Variants in ROR2 observed in about 807,000 individuals in gnomAD.
The protein encoded by ROR2 is tyrosine-protein kinase transmembrane receptor ROR2.
Under a neutral mutation model 74.9 loss-of-function variants are expected in ROR2, and 33 were observed. That is an observed-to-expected ratio of 0.44 (90% CI 0.33 to 0.59). The LOEUF (loss-of-function observed/expected upper bound fraction) is 0.59, where lower values mean the gene tolerates loss of function less well. ROR2 is among the 20% of genes least tolerant of loss of function. ROR2 has a pLI of 0.02. For missense variants in ROR2, 1,216 were observed against 1,313.8 expected (o/e 0.93, Z 1.15); for synonymous variants, 586 against 558.7 (o/e 1.05, Z -0.69).
intron 2 of ROR2, among the ~76,000 whole-genome samples, chr9:91,772,103 G>C (rs1038885658): frequency 1.4e-4 from 21 of 152,214 alleles, no homozygotes; most frequent in African/African-American, 4.8e-4. Context: ...ATATAAGGAA[G>C]GGGCCAGGAG....
intron 1 of ROR2, among the ~76,000 whole-genome samples, chr9:91,839,709 G>GT (rs1379505339): frequency 7.0e-6 from 1 of 143,570 alleles, no homozygotes; most frequent in Non-Finnish European, 1.5e-5. Flanking sequence ...TATGTGGTGT[G>GT]TGTGTGCTGT....
At chr9:91,739,205 C>G (rs1825135836) in intron 4 of ROR2, among the ~76,000 whole-genome samples, 1 of 152,148 alleles carries the variant, frequency 6.6e-6, no homozygotes, top group Non-Finnish European at 1.5e-5. Context: ...CAAATGAAAT[C>G]TGAATTCTGT....
intron 8 of ROR2, among the ~76,000 whole-genome samples, chr9:91,725,347 G>C (rs1836989643): frequency 6.6e-6 from 1 of 152,044 alleles, no homozygotes; most frequent in Admixed American, 6.5e-5. Context: ...ATCCCAACCA[G>C]GCTACAAATA....
At chr9:91,865,610 A>G (rs1022411291) in intron 1 of ROR2, among the ~76,000 whole-genome samples, 1 of 152,238 alleles carries the variant, frequency 6.6e-6, no homozygotes, top group Non-Finnish European at 1.5e-5. Flanking sequence ...TCATTCCTTT[A>G]AAAAGGGCCA....
At position 91,772,144 on chromosome 9, in the gene ROR2, G is replaced by T. The variant is rs549013085; in HGVS notation, c.175+3597C>A. ...GGACGGGTGGAGTGAGTCTCCATTT[G>T]TGCAGGAGCAAGAACTCAAAAGGAA... On this transcript the variant is annotated intron_variant, in intron 2 of 8. Transcript: ENST00000375708. 3.3e-5 allele frequency among the ~76,000 whole-genome samples: 5 copies of T among 152,326 alleles called. No homozygotes were observed. In the East Asian group the frequency reaches 9.6e-4, roughly 29 times the overall value.
intron 1 of ROR2, among the ~76,000 whole-genome samples, chr9:91,853,428 G>A (rs376662566): frequency 2.6e-5 from 4 of 152,214 alleles, no homozygotes; most frequent in Non-Finnish European, 4.4e-5. Context: ...AAGGTCCCGG[G>A]AGGTGTGGCT....
At chr9:91,948,879 C>G (rs970620782) in intron 1 of ROR2, 26 of 985,330 alleles carry the variant, frequency 2.6e-5, no homozygotes, top group Non-Finnish European at 3.1e-5. Flanking sequence ...GAATCCGGCC[C>G]GAGGCGCGCG....
At chr9:91,861,545 A>G (rs1829468317) in intron 1 of ROR2, among the ~76,000 whole-genome samples, 1 of 152,240 alleles carries the variant, frequency 6.6e-6, no homozygotes, top group Non-Finnish European at 1.5e-5. Context: ...GGAATAAATG[A>G]ACATCTGCAC....
chr9:91,949,691 G>A (rs913324805), intron 1 of ROR2, among the ~76,000 whole-genome samples, 176 bp downstream of exon 1: 3 of 152,212 alleles, frequency 2.0e-5, no homozygotes, highest in Non-Finnish European at 4.4e-5. Context: ...AGCCCGAGGG[G>A]GTCCGGGGTG....
chr9:91,804,950 T>G (rs1827501671), intron 1 of ROR2, among the ~76,000 whole-genome samples: 1 of 152,212 alleles, frequency 6.6e-6, no homozygotes, highest in African/African-American at 2.4e-5. Flanking sequence ...AAAACCAAAA[T>G]GCTTCATAGG....
At chr9:91,743,427 C>T (rs1379952673) in intron 4 of ROR2, among the ~76,000 whole-genome samples, 1 of 151,986 alleles carries the variant, frequency 6.6e-6, no homozygotes, top group African/African-American at 2.4e-5. Context: ...CAAAATTAGC[C>T]AGGCGTGGTG....
intron 1 of ROR2, among the ~76,000 whole-genome samples, chr9:91,932,163 T>C (rs1359638465): frequency 6.6e-6 from 1 of 152,098 alleles, no homozygotes; most frequent in Non-Finnish European, 1.5e-5. Context: ...TGGATCTAAG[T>C]TGCATGTGAA....
At chr9:91,907,874 G>C (rs1830859787) in intron 1 of ROR2, among the ~76,000 whole-genome samples, 1 of 152,236 alleles carries the variant, frequency 6.6e-6, no homozygotes, top group South Asian at 2.1e-4. Flanking sequence ...CCCCACCCCA[G>C]GTCAGCTTGG....
At position 91,949,916 on chromosome 9, in the gene ROR2, C is replaced by G. The variant is rs1294589430; in HGVS notation, c.48G>C (p.Pro16=). The change falls in exon 1 of 9, where the codon CCG becomes CCC. Residue 16 remains proline (P), a synonymous_variant. Coordinates refer to ENST00000375708, the MANE Select transcript of ROR2 (RefSeq NM_004560.4). ...ALPRRPLLCI[P]AVWAAAALLL... is the part of the protein sequence containing the mutation. ...GAAGCGCGGCGGCCGCCCAGACGGC[C>G]GGGATGCACAGCAGCGGCCGCCGCG... is the stretch of plus-strand genomic sequence containing the variant. 2.6e-6 allele frequency: 4 copies of G among 1,538,044 alleles called. No individual in the cohort carries two copies. In the Admixed American group the frequency reaches 7.9e-5, roughly 30 times the overall value.
rs1824897362 is a variant in ROR2 at position 91,733,430 on chromosome 9, A to AAGGC, written c.625_628dup (p.Phe210CysfsTer42). ...GTGCGTAGACGTGCCGATCATGGTG[A>AAGGC]AGGCCGCTGCAGAGCCCGCGAGACT... On this transcript the variant is annotated frameshift_variant, in exon 6 of 9. Transcript: ENST00000375708. LOFTEE classifies it high-confidence loss of function. This position sits in a 1 kb window ranked among gnomAD's most constrained non-coding sequence, Gnocchi z 5.7. 1.9e-6 allele frequency: 3 copies of AAGGC among 1,610,630 alleles called. No homozygotes were observed. Among genetic ancestry groups the AAGGC allele is most frequent in the Non-Finnish European group, 2.5e-6 (3 of 1,179,572 alleles).
rs887220137 is a variant in ROR2, at chr9:91,948,538, G to A, written c.97+1329C>T. On this transcript the variant is annotated intron_variant, in intron 1 of 8. Coordinates refer to ENST00000375708, the MANE Select transcript of ROR2 (RefSeq NM_004560.4). ...AATCAAGTAATTAGGAATGTCTGAC[G>A]TAATCAACATCTGCTTAAACTAAAA... is the stretch of plus-strand genomic sequence containing the variant. The A allele has an allele frequency of 3.1e-6, 3 of 975,630 alleles. No individual in the cohort carries two copies. The African/African-American group carries it at 5.3e-5, about 17-fold the overall frequency. 60.4% of individuals were successfully genotyped at this position (975,630 alleles called of 1,614,324 possible). A position where few individuals can be genotyped will look rare whatever the true frequency, so the allele number is the denominator to read the frequency against.
chr9:91,730,300 T>C (rs1275346272), intron 7 of ROR2, among the ~76,000 whole-genome samples: 3 of 151,892 alleles, frequency 2.0e-5, no homozygotes, highest in Non-Finnish European at 2.9e-5. Context: ...CATCCATACA[T>C]GGGAAAAGGG....
intron 1 of ROR2, among the ~76,000 whole-genome samples, chr9:91,792,572 T>A (rs1827036047): frequency 6.6e-6 from 1 of 152,200 alleles, no homozygotes; most frequent in Admixed American, 6.5e-5. Context: ...CCTCCCAAAG[T>A]GCTGGGATTA....
At chr9:91,876,233 T>C (rs1829951543) in intron 1 of ROR2, among the ~76,000 whole-genome samples, 1 of 151,842 alleles carries the variant, frequency 6.6e-6, no homozygotes, top group African/African-American at 2.4e-5. Context: ...ATTAGCCAGG[T>C]GTGCAGGCGC....
Sources: allele counts gnomAD v4.1 joint callset (sites outside exome capture counted in the v4.1 genomes callset), GRCh38; gene constraint gnomAD v4.1.1; non-coding constraint Gnocchi (gnomAD v3.1); transcripts MANE v1.5; gene names NCBI Gene and HGNC (gene_info 2026-07-23, HGNC 2026-07-21).